Variants in IFT172 observed in about 807,000 individuals in gnomAD.
IFT172 encodes the protein intraflagellar transport 172.
A neutral mutation model predicts 248.9 loss-of-function variants in IFT172; 164 were observed. The observed-to-expected ratio is 0.66, with a 90% CI of 0.58 to 0.75. The LOEUF (loss-of-function observed/expected upper bound fraction) is 0.75, where lower values mean the gene tolerates loss of function less well. Among genes scored for constraint, IFT172 ranks in the 30% least tolerant of loss-of-function variants. The pLI is 0.00. For synonymous variants in IFT172, 729 were observed against 791.6 expected (o/e 0.92, Z 1.33); for missense variants, 1,950 against 2,192.4 (o/e 0.89, Z 2.21).
chr2:27,488,270 C>G (rs1006035209), intron 1 of IFT172, among the ~76,000 whole-genome samples: 1 of 152,194 alleles, frequency 6.6e-6, no homozygotes, highest in African/African-American at 2.4e-5. Context: ...TCTCCTTCCT[C>G]AGCCTCCTGA....
chr2:27,455,330 A>G, intron 30 of IFT172: 2 of 317,586 alleles, frequency 6.3e-6, no homozygotes. Flanking sequence ...CACAGCTAGG[A>G]AAATTGCTGT....
chr2:27,476,730 A>G lies in IFT172; in HGVS notation c.1326-4T>C. 6.2e-7 allele frequency: 1 copy of G among 1,609,530 alleles called. No individual in the cohort carries two copies. ...ACACCTCTCATTAATACGAACACTG[A>G]AACATGAAGGGTGAGGTAAGGCAAA... On this transcript the variant is annotated splice_polypyrimidine_tract_variant and splice_region_variant and intron_variant, in intron 13 of 47. Transcript: ENST00000260570.
At chr2:27,466,995 A>G (rs1380452806) in intron 16 of IFT172, among the ~76,000 whole-genome samples, 4 of 151,880 alleles carry the variant, frequency 2.6e-5, no homozygotes, top group Non-Finnish European at 5.9e-5. Context: ...CTGGGTGACA[A>G]AGTGAGACCC....
At chr2:27,462,235 T>C (rs1418247654) in intron 20 of IFT172, among the ~76,000 whole-genome samples, 1 of 152,162 alleles carries the variant, frequency 6.6e-6, no homozygotes, top group Non-Finnish European at 1.5e-5. Flanking sequence ...GGTTTCACCA[T>C]GTGGCCAGGC....
chr2:27,468,070 G>T (rs1667247067), intron 16 of IFT172, among the ~76,000 whole-genome samples: 1 of 150,524 alleles, frequency 6.6e-6, no homozygotes, highest in Non-Finnish European at 1.5e-5. Flanking sequence ...TGAGGCAGGA[G>T]AATTGCTTAA....
intron 14 of IFT172, among the ~76,000 whole-genome samples, chr2:27,476,360 T>C (rs1572810546): frequency 1.3e-5 from 2 of 152,328 alleles, no homozygotes; most frequent in South Asian, 4.1e-4. Context: ...AGCCTTGGAC[T>C]ACTGGGCTCA....
intron 10 of IFT172, 45 bp from the exon 11 acceptor site, chr2:27,478,201 AAAG>A: frequency 3.1e-6 from 5 of 1,610,690 alleles, no homozygotes; most frequent in Non-Finnish European, 4.2e-6. Flanking sequence ...CCCCAGCCCA[AAAG>A]AAGGGTGAAC....
chr2:27,472,055 A>T, intron 15 of IFT172, 195 bp downstream of exon 15: 3 of 553,508 alleles, frequency 5.4e-6, no homozygotes, highest in East Asian at 5.8e-5. Flanking sequence ...AAAAAAAAAG[A>T]GGTAATAAAG....
Position 27,450,104 on chromosome 2 carries a change from G to A in IFT172, c.3952-8C>T. On this transcript the variant is annotated splice_polypyrimidine_tract_variant and splice_region_variant and intron_variant, in intron 35 of 47. Coordinates refer to ENST00000260570, the MANE Select transcript of IFT172 (RefSeq NM_015662.3). ...GATGGAGAGTTCAGCTGCCTGAGTG[G>A]TTGAACAGAAGATGGAAATGGGTAG... The A allele has an allele frequency of 1.2e-6, 2 of 1,604,538 alleles. No homozygotes were observed. Among genetic ancestry groups the A allele is most frequent in the Non-Finnish European group, 1.7e-6 (2 of 1,171,346 alleles).
chr2:27,459,758 C>G lies in IFT172; in HGVS notation c.2593G>C (p.Val865Leu). The change falls in exon 24 of 48, where the codon GTG (valine) becomes CTG (leucine). Residue 865 changes from valine to leucine, a missense_variant. Around this residue, in one of 3 missense-constraint regions of IFT172, gnomAD observed 1,166 missense variants for 1,254.1 expected, o/e 0.93. Transcript: ENST00000260570. ...KLEEAWGDHL[V>L]QQKQLDAAIN... Reference sequence around the variant, plus strand: ...GCTGCATCAAGCTGCTTCTGCTGCACCAGGTGGTCCCCCCATGCCTCCTCT... The same window carrying G: ...GCTGCATCAAGCTGCTTCTGCTGCAGCAGGTGGTCCCCCCATGCCTCCTCT... The G allele has an allele frequency of 1.9e-6, 3 of 1,613,102 alleles. No individual in the cohort carries two copies. Among genetic ancestry groups the G allele is most frequent in the Non-Finnish European group, 2.5e-6 (3 of 1,180,038 alleles).
intron 8 of IFT172, 63 bp from the exon 9 acceptor site, chr2:27,480,212 G>T: frequency 2.0e-6 from 3 of 1,527,646 alleles, no homozygotes; most frequent in Non-Finnish European, 2.6e-6. Context: ...CAAATGGGCT[G>T]ATAACCAAAG....
intron 14 of IFT172, among the ~76,000 whole-genome samples, chr2:27,473,386 A>T (rs1558400355): frequency 6.6e-6 from 1 of 150,432 alleles, no homozygotes; most frequent in African/African-American, 2.4e-5. Context: ...AAAAAAAAAA[A>T]AAGGAAAATG....
At chr2:27,484,622 T>C (rs919282968) in intron 3 of IFT172, among the ~76,000 whole-genome samples, 4 of 151,920 alleles carry the variant, frequency 2.6e-5, no homozygotes, top group Non-Finnish European at 4.4e-5. Flanking sequence ...ACCACTTCCA[T>C]AAACAAATTG....
intron 9 of IFT172, 27 bp from the exon 10 acceptor site, chr2:27,479,631 G>T (rs879388561): frequency 2.9e-6 from 4 of 1,374,492 alleles, no homozygotes; most frequent in Non-Finnish European, 4.2e-6. Flanking sequence ...CAGCATAAAA[G>T]GTCACACACA....
At chr2:27,472,403 C>T (rs1396704105) in intron 14 of IFT172, 41 bp from the exon 15 acceptor site, 2 of 1,493,168 alleles carry the variant, frequency 1.3e-6, no homozygotes, top group Non-Finnish European at 1.9e-6. Context: ...AGAGATTCCA[C>T]ACATATACAT....
rs931222015 is a variant in IFT172, at chr2:27,445,176, G to T, written c.5069-71C>A. The T allele has an allele frequency of 6.3e-7, 1 of 1,596,746 alleles. No individual in the cohort carries two copies. The highest frequency in any genetic ancestry group is 8.6e-7 in the Non-Finnish European group (1 of 1,168,650). On this transcript the variant is annotated intron_variant, in intron 46 of 47. Transcript: ENST00000260570. This position sits in a 1 kb window ranked among gnomAD's most constrained non-coding sequence, Gnocchi z 4.4. ...AGGAGGGAAAAATGAGGAGCAGCCTGGGGGGTAGAAAGCACAGTCCTGTCT... is the reference window on the plus strand; with the variant it reads ...AGGAGGGAAAAATGAGGAGCAGCCTTGGGGGTAGAAAGCACAGTCCTGTCT...
intron 16 of IFT172, among the ~76,000 whole-genome samples, chr2:27,469,078 T>C (rs1029084592): frequency 1.3e-5 from 2 of 151,974 alleles, no homozygotes; most frequent in Non-Finnish European, 2.9e-5. Context: ...AAACTGAAAA[T>C]TTATCATCTT....
Position 27,481,184 on chromosome 2 carries a change from T to A in IFT172, c.647A>T (p.Asp216Val), listed in dbSNP as rs1457093080. 2 of 1,613,036 alleles carry A rather than the reference T, an allele frequency of 1.2e-6. No homozygotes were observed. Among genetic ancestry groups the A allele is most frequent in the Admixed American group, 1.7e-5 (1 of 59,972 alleles). ...ATNSIVAAGC[D>V]RKIVAYGKEG... ...TTTTCCATAGGCTACAATTTTCCGA[T>A]CACAGCCTGCAGCCACGATGCTATT... is the stretch of plus-strand genomic sequence containing the variant. Residue 216 changes from aspartate to valine, a missense_variant, in exon 8 of 48, where the codon GAT becomes GTT. Around this residue, in one of 3 missense-constraint regions of IFT172, gnomAD observed 1,166 missense variants for 1,254.1 expected, o/e 0.93. Coordinates refer to ENST00000260570, the MANE Select transcript of IFT172 (RefSeq NM_015662.3).
intron 36 of IFT172, 92 bp downstream of exon 36, chr2:27,449,906 G>A (rs967155982): frequency 1.4e-6 from 2 of 1,390,552 alleles, no homozygotes; most frequent in African/African-American, 2.8e-5. Context: ...CCCACCAGGA[G>A]GCCCACCTCA....
Sources: allele counts gnomAD v4.1 joint callset (sites outside exome capture counted in the v4.1 genomes callset), GRCh38; gene constraint gnomAD v4.1.1; regional missense constraint gnomAD v4.1.1; non-coding constraint Gnocchi (gnomAD v3.1); transcripts MANE v1.5; gene names NCBI Gene and HGNC (gene_info 2026-07-23, HGNC 2026-07-21).